MARCKS: variants seen among roughly 807,000 people sequenced by gnomAD.
The protein encoded by MARCKS is myristoylated alanine-rich C-kinase substrate.
Under a neutral mutation model 6.3 loss-of-function variants are expected in MARCKS, and 4 were observed. The observed-to-expected ratio is 0.63, with a 90% CI of 0.31 to 1.45. The LOEUF is 1.45. Ranked by LOEUF, MARCKS falls within the 40% of genes most tolerant of loss-of-function variation. The pLI is 0.07. For missense variants in MARCKS, 636 were observed against 485.7 expected, an observed-to-expected ratio of 1.31 and a Z score of -2.91; for synonymous variants, 289 against 236.5, an observed-to-expected ratio of 1.22 and a Z score of -2.04.
Position 113,859,779 on chromosome 6 carries a change from G to T in MARCKS, c.199G>T (p.Ala67Ser). ...GCAGGCCAACGGCAGCGCCCCGGCC[G>T]CCGACAAGGAGGAGCCCGCGGCCGC... ...ELQANGSAPA[A>S]DKEEPAAAGS... Residue 67 changes from alanine to serine, a missense_variant, in exon 2 of 2, where the codon GCC (alanine) becomes TCC (serine). Transcript: ENST00000612661. 1 of 1,444,820 alleles carries T rather than the reference G, an allele frequency of 6.9e-7. No individual in the cohort carries two copies. Among genetic ancestry groups the T allele is most frequent in the Non-Finnish European group, 9.1e-7 (1 of 1,100,116 alleles). 89.5% of individuals were successfully genotyped at this position (1,444,820 alleles called of 1,614,324 possible). A position where few individuals can be genotyped will look rare whatever the true frequency, so the allele number is the denominator to read the frequency against.
intron 1 of MARCKS, among the ~76,000 whole-genome samples, chr6:113,858,712 C>T (rs1390157977): frequency 6.6e-6 from 1 of 152,216 alleles, no homozygotes; most frequent in Non-Finnish European, 1.5e-5. Context: ...CACTGGGCAC[C>T]CACCACGCCT....
chr6:113,860,125 G>C lies in MARCKS; in HGVS notation c.545G>C (p.Gly182Ala). 1 of 1,536,558 alleles carries C rather than the reference G, an allele frequency of 6.5e-7. No individual in the cohort carries two copies. Among genetic ancestry groups the C allele is most frequent in the Non-Finnish European group, 8.8e-7 (1 of 1,140,268 alleles). The stretch of plus-strand genomic sequence containing the variant: ...AACAAGAAGGAGGCTGGAGAAGGCG[G>C]TGAGGCTGAGGCGCCCGCTGCCGAA... ...KKNKKEAGEGGEAEAPAAEGG... is the reference protein window; with the variant it reads ...KKNKKEAGEGAEAEAPAAEGG... Residue 182 changes from glycine to alanine, a missense_variant, in exon 2 of 2, where the codon GGT becomes GCT. Physicochemically the swap from Gly to Ala is moderately conservative, Grantham distance 60. Transcript: ENST00000612661.
rs1774903629 is a variant in MARCKS, at chr6:113,861,728, A to T, written c.*1149A>T. ...TGTAACTTTGCTTACAAAAATTGCT[A>T]TTAAACTCCTGCTTAAGGTGTTCTA... On this transcript the variant is annotated 3_prime_UTR_variant, in exon 2 of 2. Transcript: ENST00000612661. The T allele has an allele frequency of 6.6e-6, 1 of 152,666 alleles. No individual in the cohort carries two copies. The highest frequency in any genetic ancestry group is 1.5e-5 in the Non-Finnish European group (1 of 68,020). The allele number at this position is 152,666 out of a possible 1,614,324, so 9.5% of individuals were successfully genotyped here.
chr6:113,858,267 G>C (rs548026791), intron 1 of MARCKS, among the ~76,000 whole-genome samples: 312 of 116,040 alleles, frequency 2.7e-3, no homozygotes, highest in Middle Eastern at 8.2e-3. Flanking sequence ...TGTGTGTGGC[G>C]GGGGGGGGAG....
chr6:113,861,633 GT>G lies in MARCKS; in HGVS notation c.*1055del, dbSNP rs1236615748. 6.6e-6 allele frequency: 1 copy of G among 152,598 alleles called. No individual in the cohort carries two copies. Among genetic ancestry groups the G allele is most frequent in the Non-Finnish European group, 1.5e-5 (1 of 68,018 alleles). The allele number at this position is 152,598 out of a possible 1,614,324, so 9.5% of individuals were successfully genotyped here. On this transcript the variant is annotated 3_prime_UTR_variant, in exon 2 of 2. Transcript: ENST00000612661. ...AAAAATCTTCAGATGCAATGGTTTT[GT>G]GTAGCATCTTGTCTATCATGTTTTG...
At position 113,861,825 on chromosome 6, in the gene MARCKS, G is replaced by A. The variant is rs1322931022; in HGVS notation, c.*1246G>A. 1 of 152,540 alleles carries A rather than the reference G, an allele frequency of 6.6e-6. No individual in the cohort carries two copies. The highest frequency in any genetic ancestry group is 1.5e-5 in the Non-Finnish European group (1 of 67,990). The allele number at this position is 152,540 out of a possible 1,614,324, so 9.4% of individuals were successfully genotyped here. A position where few individuals can be genotyped will look rare whatever the true frequency, so the allele number is the denominator to read the frequency against. On this transcript the variant is annotated 3_prime_UTR_variant, in exon 2 of 2. Coordinates refer to ENST00000612661, the MANE Select transcript of MARCKS (RefSeq NM_002356.7). ...GTACAAATTTGTTGTGTTTTTTTAT[G>A]TTCTAATAATACTGAGACTTCTAGG...
At chr6:113,859,021 G>A (rs1582439521) in intron 1 of MARCKS, among the ~76,000 whole-genome samples, 2 of 152,072 alleles carry the variant, frequency 1.3e-5, no homozygotes, top group Admixed American at 1.3e-4. Flanking sequence ...CCTGCGGGCA[G>A]GGCCCGGCTG....
At position 113,859,853 on chromosome 6, in the gene MARCKS, C is replaced by G; in HGVS notation, c.273C>G (p.Ala91=). Residue 91 remains alanine (A), a synonymous_variant, in exon 2 of 2, where the codon GCC becomes GCG. Coordinates refer to ENST00000612661, the MANE Select transcript of MARCKS (RefSeq NM_002356.7). ...CCGCGGCCGAGAAAGGTGAGCCGGC[C>G]GCCGCCGCTGCCCCCGAGGCCGGGG... is the stretch of plus-strand genomic sequence containing the variant. The part of the protein sequence containing the change: ...SPSAAEKGEP[A]AAAAPEAGAS... 7.7e-7 allele frequency: 1 copy of G among 1,299,750 alleles called. No individual in the cohort carries two copies. Among genetic ancestry groups the G allele is most frequent in the Non-Finnish European group, 9.7e-7 (1 of 1,026,270 alleles). 80.5% of individuals were successfully genotyped at this position (1,299,750 alleles called of 1,614,324 possible). A position where few individuals can be genotyped will look rare whatever the true frequency, so the allele number is the denominator to read the frequency against.
chr6:113,859,733 G>A lies in MARCKS; in HGVS notation c.153G>A (p.Glu51=). 2 of 1,501,286 alleles carry A rather than the reference G, an allele frequency of 1.3e-6. No homozygotes were observed. The highest frequency in any genetic ancestry group is 1.8e-6 in the Non-Finnish European group (2 of 1,126,078). 93.0% of individuals were successfully genotyped at this position (1,501,286 alleles called of 1,614,324 possible). A position where few individuals can be genotyped will look rare whatever the true frequency, so the allele number is the denominator to read the frequency against. Residue 51 remains glutamate, a synonymous_variant, in exon 2 of 2, where the codon GAG becomes GAA. Transcript: ENST00000612661. ...GCGACGCTTCGCCCGCGGCCGCCGA[G>A]TCGGGCGCCAAGGAGGAGCTGCAGG... The part of the protein sequence containing the change: ...VNGDASPAAA[E]SGAKEELQAN...
chr6:113,862,794 C>T lies in MARCKS; in HGVS notation c.*2215C>T, dbSNP rs1774922633. 6.6e-6 allele frequency: 1 copy of T among 152,092 alleles called. No individual in the cohort carries two copies. The highest frequency in any genetic ancestry group is 2.4e-5 in the African/African-American group (1 of 41,442). 9.4% of individuals were successfully genotyped at this position (152,092 alleles called of 1,614,324 possible). On this transcript the variant is annotated 3_prime_UTR_variant, in exon 2 of 2. Coordinates refer to ENST00000612661, the MANE Select transcript of MARCKS (RefSeq NM_002356.7). The stretch of plus-strand genomic sequence containing the variant: ...TGGATCAAAAATAGTGGTTCATGAC[C>T]TTACCAAACACCCTTGCTACTAATA...
In MARCKS at chr6:113,860,152, G is replaced by T. The variant is rs1353883411; in HGVS notation, c.572G>T (p.Gly191Val). ...GGEAEAPAAE[G>V]GKDEAAGGAA... Reference sequence around the variant, plus strand: ...GAGGCTGAGGCGCCCGCTGCCGAAGGCGGCAAGGACGAGGCCGCCGGGGGC... The same window carrying T: ...GAGGCTGAGGCGCCCGCTGCCGAAGTCGGCAAGGACGAGGCCGCCGGGGGC... The change falls in exon 2 of 2, where the codon GGC (glycine) becomes GTC (valine). Residue 191 changes from glycine (G) to valine (V), a missense_variant. Gly to Val is a moderately radical substitution (Grantham distance 109, BLOSUM62 -3). Transcript: ENST00000612661. 4.9e-6 allele frequency: 7 copies of T among 1,441,640 alleles called. No homozygotes were observed. The African/African-American group carries it at 9.1e-5, about 19-fold the overall frequency. 89.3% of individuals were successfully genotyped at this position (1,441,640 alleles called of 1,614,324 possible). A position where few individuals can be genotyped will look rare whatever the true frequency, so the allele number is the denominator to read the frequency against.
chr6:113,860,242 A>G lies in MARCKS; in HGVS notation c.662A>G (p.Glu221Gly), dbSNP rs1265947343. The G allele has an allele frequency of 3.7e-6, 4 of 1,077,060 alleles. No individual in the cohort carries two copies. The highest frequency in any genetic ancestry group is 4.5e-6 in the Non-Finnish European group (4 of 884,834). The allele number at this position is 1,077,060 out of a possible 1,614,324, so 66.7% of individuals were successfully genotyped here. Reference sequence around the variant, plus strand: ...GAGCAGGCAGCGGCGCCGGGCGAGGAGGCGGCAGCGGGCGAGGAGGGGGCG... The same window carrying G: ...GAGCAGGCAGCGGCGCCGGGCGAGGGGGCGGCAGCGGGCGAGGAGGGGGCG... Reference protein sequence around the residue: ...SGEQAAAPGEEAAAGEEGAAG... With the variant: ...SGEQAAAPGEGAAAGEEGAAG... Residue 221 changes from glutamate (E) to glycine (G), a missense_variant, in exon 2 of 2, where the codon GAG becomes GGG. Transcript: ENST00000612661.
chr6:113,859,588 T>C, intron 1 of MARCKS, 95 bp from the exon 2 acceptor site: 1 of 1,143,946 alleles, frequency 8.7e-7, no homozygotes, highest in Non-Finnish European at 1.1e-6. Context: ...ACAGGGGCCT[T>C]AGGGGGAAGC....
In MARCKS at chr6:113,860,795, C is replaced by G. The variant is rs1774889646; in HGVS notation, c.*216C>G. ...CATCTCAAATCATTCTGTTAACCAC[C>G]ATTCCAACAGGTCGAGGAGAGCTTA... On this transcript the variant is annotated 3_prime_UTR_variant, in exon 2 of 2. Transcript: ENST00000612661. The G allele has an allele frequency of 3.0e-6, 1 of 334,732 alleles. No individual in the cohort carries two copies. The highest frequency in any genetic ancestry group is 5.0e-5 in the Admixed American group (1 of 19,946). 20.7% of individuals were successfully genotyped at this position (334,732 alleles called of 1,614,324 possible). A position where few individuals can be genotyped will look rare whatever the true frequency, so the allele number is the denominator to read the frequency against.
rs764845067 is a variant in MARCKS, at chr6:113,859,930, G to A, written c.350G>A (p.Gly117Asp). 13 of 1,472,674 alleles carry A rather than the reference G, an allele frequency of 8.8e-6. No individual in the cohort carries two copies. The highest frequency in any genetic ancestry group is 5.0e-5 in the South Asian group (4 of 79,704). 91.2% of individuals were successfully genotyped at this position (1,472,674 alleles called of 1,614,324 possible). ...APAEGEAAEPGSPTAAEGEAA... is the reference protein window; with the variant it reads ...APAEGEAAEPDSPTAAEGEAA... Reference sequence around the variant, plus strand: ...GCGGAAGGCGAGGCTGCCGAGCCCGGCTCGCCCACGGCCGCGGAGGGAGAG... The same window carrying A: ...GCGGAAGGCGAGGCTGCCGAGCCCGACTCGCCCACGGCCGCGGAGGGAGAG... Residue 117 changes from glycine to aspartate, a missense_variant, in exon 2 of 2, where the codon GGC becomes GAC. By Grantham distance (94) the Gly-to-Asp change is moderately conservative. Transcript: ENST00000612661.
chr6:113,859,471 G>A (rs934514430), intron 1 of MARCKS, among the ~76,000 whole-genome samples: 1 of 151,992 alleles, frequency 6.6e-6, no homozygotes, highest in Admixed American at 6.5e-5. Flanking sequence ...TTGTGTTTTC[G>A]GGGGGTCTCC....
rs1582441401 is a variant in MARCKS at position 113,861,181 on chromosome 6, C to A, written c.*602C>A. ...GGAAAGAGGAAAAAAGAAAAAACAC[C>A]AATACCCAGATTTAAAAAAAAAAAA... is the stretch of plus-strand genomic sequence containing the variant. On this transcript the variant is annotated 3_prime_UTR_variant, in exon 2 of 2. Transcript: ENST00000612661. The A allele has an allele frequency of 6.8e-6, 1 of 146,294 alleles. No individual in the cohort carries two copies. The highest frequency in any genetic ancestry group is 2.5e-5 in the African/African-American group (1 of 39,572). The allele number at this position is 146,294 out of a possible 1,614,324, so 9.1% of individuals were successfully genotyped here.
rs1308313359 is a variant in MARCKS at position 113,861,211 on chromosome 6, TC to T, written c.*633del. ...CCCAGATTTAAAAAAAAAAAAACGA[TC>T]ATAGTCTTAGGAGTTCATTTAAACC... On this transcript the variant is annotated 3_prime_UTR_variant, in exon 2 of 2. Coordinates refer to ENST00000612661, the MANE Select transcript of MARCKS (RefSeq NM_002356.7). 6.6e-6 allele frequency: 1 copy of T among 151,096 alleles called. No individual in the cohort carries two copies. Among genetic ancestry groups the T allele is most frequent in the Non-Finnish European group, 1.5e-5 (1 of 67,716 alleles). 9.4% of individuals were successfully genotyped at this position (151,096 alleles called of 1,614,324 possible).
Position 113,861,183 on chromosome 6 carries a change from A to G in MARCKS, c.*604A>G, listed in dbSNP as rs1370401732. On this transcript the variant is annotated 3_prime_UTR_variant, in exon 2 of 2. Transcript: ENST00000612661. ...AAAGAGGAAAAAAGAAAAAACACCA[A>G]TACCCAGATTTAAAAAAAAAAAAAC... The G allele has an allele frequency of 2.0e-5, 3 of 152,050 alleles. No homozygotes were observed. The highest frequency in any genetic ancestry group is 3.9e-4 in the East Asian group (2 of 5,186). 9.4% of individuals were successfully genotyped at this position (152,050 alleles called of 1,614,324 possible).
Sources: gnomAD v4.1 joint callset for allele counts (sites outside exome capture counted in the v4.1 genomes callset) on GRCh38, gnomAD v4.1.1 for gene constraint, MANE v1.5 for transcripts, NCBI Gene and HGNC (gene_info 2026-07-23, HGNC 2026-07-21) for gene names.